DIP2C: variants seen among roughly 807,000 people sequenced by gnomAD.
DIP2C encodes disco-interacting protein 2 homolog C.
DIP2C carries 33 observed loss-of-function variants against 192.4 expected under a neutral mutation model. That is an observed-to-expected ratio of 0.17 (90% CI 0.13 to 0.23). DIP2C has a LOEUF of 0.23. Among genes scored for constraint, DIP2C ranks in the 10% least tolerant of loss-of-function variants. The probability of loss-of-function intolerance (pLI) is 1.00; values close to 1 mark genes in which losing one functional copy is unlikely to be tolerated. For synonymous variants in DIP2C, 979 were observed against 864.1 expected (o/e 1.13, Z -2.33); for missense variants, 1,537 against 2,110.1 (o/e 0.73, Z 5.32).
At chr10:336,690 G>A (rs1006121658) in intron 29 of DIP2C, among the ~76,000 whole-genome samples, 1 of 152,212 alleles carries the variant, frequency 6.6e-6, no homozygotes, top group Non-Finnish European at 1.5e-5. Context: ...CCTTCAGGAG[G>A]GTCTTCCAGG....
chr10:612,616 G>C (rs562110035), intron 1 of DIP2C, among the ~76,000 whole-genome samples: 1 of 152,226 alleles, frequency 6.6e-6, no homozygotes, highest in South Asian at 2.1e-4. Context: ...TACGTCCTTT[G>C]AAAGGCTGGA....
intron 1 of DIP2C, among the ~76,000 whole-genome samples, chr10:625,962 A>G (rs1227071649): frequency 6.6e-6 from 1 of 152,218 alleles, no homozygotes; most frequent in Non-Finnish European, 1.5e-5. Flanking sequence ...GCGTTTTGCA[A>G]GCTGGGACAC....
chr10:671,712 GAGGAA>G (rs1178012516), intron 1 of DIP2C, among the ~76,000 whole-genome samples: 4 of 121,488 alleles, frequency 3.3e-5, no homozygotes, highest in African/African-American at 3.3e-5. Context: ...CGCACGGACG[GAGGAA>G]ACGCCACAGA....
chr10:452,578 G>A (rs924934973), intron 3 of DIP2C, among the ~76,000 whole-genome samples: 1 of 152,170 alleles, frequency 6.6e-6, no homozygotes, highest in African/African-American at 2.4e-5. Context: ...ATCTACAATA[G>A]CGATTAAATG....
chr10:422,984 C>T lies in DIP2C; in HGVS notation c.444G>A (p.Gln148=). 6.2e-7 allele frequency: 1 copy of T among 1,614,078 alleles called. No individual in the cohort carries two copies. Among genetic ancestry groups the T allele is most frequent in the South Asian group, 1.1e-5 (1 of 91,060 alleles). ...EDEGSVQGDS[Q]GTPTSSQGSI... Reference sequence around the variant, plus strand: ...TGCCCTGGCTGGAGGTGGGGGTGCCCTGGGAGTCCCCCTGCACTGAGCCTT... The same window carrying T: ...TGCCCTGGCTGGAGGTGGGGGTGCCTTGGGAGTCCCCCTGCACTGAGCCTT... The change falls in exon 5 of 37, where the codon CAG becomes CAA. Residue 148 remains glutamine, a synonymous_variant. Transcript: ENST00000280886.
intron 3 of DIP2C, among the ~76,000 whole-genome samples, chr10:469,808 A>AT: frequency 6.6e-6 from 1 of 152,194 alleles, no homozygotes; most frequent in East Asian, 1.9e-4. Context: ...CCCGAGCGTG[A>AT]TGCACAAGAT....
At chr10:528,454 C>A (rs974613394) in intron 1 of DIP2C, among the ~76,000 whole-genome samples, 5 of 151,784 alleles carry the variant, frequency 3.3e-5, no homozygotes, top group African/African-American at 4.9e-5. Context: ...AGAACGCAGA[C>A]CACTTGCTAC....
intron 1 of DIP2C, among the ~76,000 whole-genome samples, chr10:557,112 A>C (rs1347888360): frequency 6.6e-6 from 1 of 152,218 alleles, no homozygotes; most frequent in Non-Finnish European, 1.5e-5. Context: ...GGCCACCTTG[A>C]CACTGGGCGT....
chr10:326,581 G>C (rs775148599), intron 31 of DIP2C, among the ~76,000 whole-genome samples: 1 of 152,212 alleles, frequency 6.6e-6, no homozygotes, highest in East Asian at 1.9e-4. Flanking sequence ...GCGGCTTTGC[G>C]GTTTCTAAAA....
chr10:336,797 C>G (rs1382665265), intron 29 of DIP2C, among the ~76,000 whole-genome samples: 1 of 152,208 alleles, frequency 6.6e-6, no homozygotes, highest in Non-Finnish European at 1.5e-5. Flanking sequence ...AACAGTGACA[C>G]TGAACACCCT....
At chr10:543,929 C>A (rs1187076947) in intron 1 of DIP2C, among the ~76,000 whole-genome samples, 1 of 152,288 alleles carries the variant, frequency 6.6e-6, no homozygotes, top group African/African-American at 2.4e-5. Flanking sequence ...CTTCCGCCAG[C>A]CCCTGGCAAT....
At chr10:421,968 T>C (rs1195116975) in intron 5 of DIP2C, among the ~76,000 whole-genome samples, 1 of 152,156 alleles carries the variant, frequency 6.6e-6, no homozygotes, top group East Asian at 1.9e-4. Context: ...GATCTAGAAG[T>C]GAACATTCTG....
intron 1 of DIP2C, among the ~76,000 whole-genome samples, chr10:586,923 A>G (rs1851074216): frequency 6.6e-6 from 1 of 151,774 alleles, no homozygotes; most frequent in African/African-American, 2.4e-5. Flanking sequence ...GTGGGTCCCC[A>G]CTGACAGCAT....
chr10:378,203 G>A lies in DIP2C; in HGVS notation c.1991+4444C>T, dbSNP rs370932262. Among the ~76,000 whole-genome samples, 229 of 152,344 alleles carry A rather than the reference G, an allele frequency of 1.5e-3. 3 individuals are homozygous for A. Among genetic ancestry groups the A allele is most frequent in the Non-Finnish European group, 2.8e-3 (188 of 68,028 alleles). ...AGAAAACACAAAATATAACAGGACA[G>A]TGACAGTTTTAAAGAGAAAAAAATA... On this transcript the variant is annotated intron_variant, in intron 17 of 36. Coordinates refer to ENST00000280886, the MANE Select transcript of DIP2C (RefSeq NM_014974.3).
intron 1 of DIP2C, among the ~76,000 whole-genome samples, chr10:587,605 G>C (rs866530397): frequency 0.013 from 1,699 of 132,064 alleles, 17 homozygotes; most frequent in Non-Finnish European, 0.02. Context: ...TCCACACCAG[G>C]CACTGCCTCA....
intron 22 of DIP2C, among the ~76,000 whole-genome samples, chr10:360,211 C>A (rs1959282469): frequency 6.6e-6 from 1 of 152,142 alleles, no homozygotes; most frequent in African/African-American, 2.4e-5. Flanking sequence ...AGACTAGGGC[C>A]TGTTTTCCCG....
chr10:531,865 C>T (rs564087262), intron 1 of DIP2C, among the ~76,000 whole-genome samples: 3 of 152,354 alleles, frequency 2.0e-5, no homozygotes, highest in East Asian at 1.9e-4. Context: ...AACTCCAGCA[C>T]GCGGCAGCTT....
At chr10:340,744 G>GCA (rs369785753) in intron 29 of DIP2C, 1 of 457,388 alleles carries the variant, frequency 2.2e-6, no homozygotes, top group Middle Eastern at 3.3e-4. Flanking sequence ...GTAGAGTGCC[G>GCA]CACCCCAGGG....
At chr10:568,245 C>T (rs1349492426) in intron 1 of DIP2C, among the ~76,000 whole-genome samples, 2 of 152,184 alleles carry the variant, frequency 1.3e-5, no homozygotes, top group African/African-American at 2.4e-5. Context: ...CATCAATCCC[C>T]GTGCAGGGAG....
Sources: gnomAD v4.1 joint callset for allele counts (sites outside exome capture counted in the v4.1 genomes callset) on GRCh38, gnomAD v4.1.1 for gene constraint, MANE v1.5 for transcripts, NCBI Gene and HGNC (gene_info 2026-07-23, HGNC 2026-07-21) for gene names.